Variants in ROR2 observed in about 807,000 individuals in gnomAD.
The protein encoded by ROR2 is ROR family WNT receptor 2.
A neutral mutation model predicts 74.9 loss-of-function variants in ROR2; 33 were observed. The ratio of observed to expected loss-of-function variants is 0.44; its 90% CI spans 0.33 to 0.59. The LOEUF is 0.59. ROR2 is among the 20% of genes least tolerant of loss of function. The pLI, the probability that ROR2 is intolerant of heterozygous loss-of-function variation, is 0.02. For synonymous variants in ROR2, 586 were observed against 558.7 expected (o/e 1.05, Z -0.69); for missense variants, 1,216 against 1,313.8 (o/e 0.93, Z 1.15).
At chr9:91,849,475 C>A (rs1004735190) in intron 1 of ROR2, among the ~76,000 whole-genome samples, 28 of 152,218 alleles carry the variant, frequency 1.8e-4, no homozygotes, top group Non-Finnish European at 3.7e-4. Flanking sequence ...CTAGAAAGAA[C>A]CCTGGGCTCT....
In ROR2 at chr9:91,906,614, T is replaced by G. The variant is rs576525164; in HGVS notation, c.97+43253A>C. ...TTCAAGAAAATCCCCTCGGTTTTGTTCTTTCGTTGTTGTTATTTTCTTAAG... is the reference window on the plus strand; with the variant it reads ...TTCAAGAAAATCCCCTCGGTTTTGTGCTTTCGTTGTTGTTATTTTCTTAAG... On this transcript the variant is annotated intron_variant, in intron 1 of 8. Transcript: ENST00000375708. 2.6e-5 allele frequency among the ~76,000 whole-genome samples: 4 copies of G among 152,332 alleles called. No homozygotes were observed. In the South Asian group the frequency reaches 8.3e-4, roughly 32 times the overall value.
At chr9:91,890,472 A>G (rs1279768749) in intron 1 of ROR2, among the ~76,000 whole-genome samples, 1 of 152,106 alleles carries the variant, frequency 6.6e-6, no homozygotes, top group African/African-American at 2.4e-5. Flanking sequence ...TAGACGCTGC[A>G]CTCCTTATTA....
intron 1 of ROR2, among the ~76,000 whole-genome samples, chr9:91,843,167 G>GA (rs1417425629): frequency 6.6e-6 from 1 of 152,132 alleles, no homozygotes; most frequent in East Asian, 1.9e-4. Flanking sequence ...AGGGAATACA[G>GA]AAAAAACACA....
intron 1 of ROR2, among the ~76,000 whole-genome samples, chr9:91,875,530 C>T (rs1018087595): frequency 6.6e-6 from 1 of 152,056 alleles, no homozygotes; most frequent in Non-Finnish European, 1.5e-5. Flanking sequence ...ATTTTCCTTC[C>T]TAAAAGTCCT....
At chr9:91,815,677 C>T (rs1827904973) in intron 1 of ROR2, among the ~76,000 whole-genome samples, 1 of 152,216 alleles carries the variant, frequency 6.6e-6, no homozygotes, top group African/African-American at 2.4e-5. Context: ...CCGTCAGCCT[C>T]TGAAACCCAT....
Position 91,727,078 on chromosome 9 carries a change from G to A in ROR2, c.1184-335C>T, listed in dbSNP as rs1837067248. ...GATGTTTGAATACCATCGGAGATAG[G>A]TGCTCTGCCCAATTTCACTTTTATC... On this transcript the variant is annotated intron_variant, in intron 7 of 8. Transcript: ENST00000375708. 2.0e-5 allele frequency among the ~76,000 whole-genome samples: 3 copies of A among 152,150 alleles called. No individual in the cohort carries two copies. The South Asian group carries it at 6.2e-4, about 32-fold the overall frequency.
At chr9:91,769,627 G>A (rs911085758) in intron 2 of ROR2, among the ~76,000 whole-genome samples, 3 of 151,880 alleles carry the variant, frequency 2.0e-5, no homozygotes, top group African/African-American at 4.8e-5. Flanking sequence ...TCCCACGCCC[G>A]CCTCCTGCCT....
At chr9:91,755,040 A>T (rs1287634037) in intron 4 of ROR2, among the ~76,000 whole-genome samples, 1 of 152,190 alleles carries the variant, frequency 6.6e-6, no homozygotes, top group Non-Finnish European at 1.5e-5. Context: ...CTGCAGTCCC[A>T]GCTACTTGGG....
At chr9:91,775,254 A>G (rs908003347) in intron 2 of ROR2, among the ~76,000 whole-genome samples, 3 of 152,218 alleles carry the variant, frequency 2.0e-5, no homozygotes, top group African/African-American at 7.2e-5. Flanking sequence ...ACAGGTCTGC[A>G]TCCGGGGGAA....
chr9:91,761,258 G>A (rs1825906994), intron 2 of ROR2, among the ~76,000 whole-genome samples: 1 of 152,208 alleles, frequency 6.6e-6, no homozygotes, highest in Non-Finnish European at 1.5e-5. Flanking sequence ...CCAGTCTCAT[G>A]GAAGATAATC....
intron 1 of ROR2, among the ~76,000 whole-genome samples, chr9:91,846,942 G>A (rs953391205): frequency 2.6e-5 from 4 of 152,192 alleles, no homozygotes; most frequent in Admixed American, 1.3e-4. Flanking sequence ...TGTTTAAGAA[G>A]AGGTGCCCTT....
intron 1 of ROR2, among the ~76,000 whole-genome samples, chr9:91,935,383 A>C (rs1173473151): frequency 2.0e-5 from 3 of 152,206 alleles, no homozygotes; most frequent in Non-Finnish European, 2.9e-5. Context: ...ATGGAACAAA[A>C]GTGAGAGAGC....
At chr9:91,755,302 A>T (rs2118835107) in intron 4 of ROR2, among the ~76,000 whole-genome samples, 1 of 152,374 alleles carries the variant, frequency 6.6e-6, no homozygotes, top group East Asian at 1.9e-4. Flanking sequence ...AAATCAGCCA[A>T]CACTGCACAC....
chr9:91,843,550 T>C (rs1239325812), intron 1 of ROR2, among the ~76,000 whole-genome samples: 1 of 152,208 alleles, frequency 6.6e-6, no homozygotes, highest in Non-Finnish European at 1.5e-5. Context: ...TTCTCTGCTT[T>C]GTAAGGAGAA....
chr9:91,935,289 C>T (rs540972060), intron 1 of ROR2, among the ~76,000 whole-genome samples: 19 of 152,358 alleles, frequency 1.2e-4, no homozygotes, highest in African/African-American at 4.3e-4. Flanking sequence ...CCCTGCCCTG[C>T]GGGCTCCACA....
chr9:91,949,966 C>A lies in ROR2; in HGVS notation c.-3G>T, dbSNP rs1022464613. 22 of 1,458,446 alleles carry A rather than the reference C, an allele frequency of 1.5e-5. No homozygotes were observed. The highest frequency in any genetic ancestry group is 2.7e-5 in the Admixed American group (1 of 36,644). 90.3% of individuals were successfully genotyped at this position (1,458,446 alleles called of 1,614,324 possible). ...GGGAGCGCCGAGCCCCGGGCCATGC[C>A]GCAGGCAGTGGGGGCCGGGAAGCCC... On this transcript the variant is annotated 5_prime_UTR_variant, in exon 1 of 9. Transcript: ENST00000375708.
At chr9:91,845,777 C>A (rs1464322783) in intron 1 of ROR2, among the ~76,000 whole-genome samples, 1 of 148,662 alleles carries the variant, frequency 6.7e-6, no homozygotes, top group Non-Finnish European at 1.5e-5. Context: ...AGCTACTCAG[C>A]CGACACAGGA....
At chr9:91,860,917 T>C (rs1013410878) in intron 1 of ROR2, among the ~76,000 whole-genome samples, 3 of 152,196 alleles carry the variant, frequency 2.0e-5, no homozygotes, top group African/African-American at 7.2e-5. Flanking sequence ...CACTTGTATA[T>C]ACAAAACGAA....
At chr9:91,857,181 C>T (rs1342758273) in intron 1 of ROR2, among the ~76,000 whole-genome samples, 1 of 152,268 alleles carries the variant, frequency 6.6e-6, no homozygotes, top group Non-Finnish European at 1.5e-5. Flanking sequence ...AGCCTGCAGT[C>T]ATCACCTCCT....
Sources: allele counts gnomAD v4.1 joint callset (sites outside exome capture counted in the v4.1 genomes callset), GRCh38; gene constraint gnomAD v4.1.1; transcripts MANE v1.5; gene names NCBI Gene and HGNC (gene_info 2026-07-23, HGNC 2026-07-21).